The following SLC44A5 variants were observed in gnomAD, a reference collection of about 807,000 sequenced individuals.
SLC44A5 encodes solute carrier family 44 member 5.
SLC44A5 carries 57 observed loss-of-function variants against 101.8 expected under a neutral mutation model. The ratio of observed to expected loss-of-function variants is 0.56; its 90% CI spans 0.45 to 0.70. SLC44A5 has a LOEUF of 0.70. Among genes scored for constraint, SLC44A5 ranks in the 30% least tolerant of loss-of-function variants. The pLI is 0.00. For synonymous variants in SLC44A5, 281 were observed against 290.9 expected, an observed-to-expected ratio of 0.97 and a Z score of 0.35; for missense variants, 737 against 853.1, an observed-to-expected ratio of 0.86 and a Z score of 1.70.
chr1:75,706,347 GTTC>G, the SLC44A5 span, among the ~76,000 whole-genome samples: 2 of 152,100 alleles, frequency 1.3e-5, no homozygotes, highest in East Asian at 1.9e-4. Context: ...ATTTGATGAG[GTTC>G]TTCTTTTGAC....
intron 1 of SLC44A5, among the ~76,000 whole-genome samples, chr1:75,583,933 A>G (rs1673849239): frequency 6.6e-6 from 1 of 152,158 alleles, no homozygotes; most frequent in African/African-American, 2.4e-5. Flanking sequence ...AGTAATTCCT[A>G]TGGGGCTGGG....
intron 4 of SLC44A5, among the ~76,000 whole-genome samples, chr1:75,324,428 G>A (rs1274290455): frequency 6.6e-6 from 1 of 152,132 alleles, no homozygotes; most frequent in Non-Finnish European, 1.5e-5. Flanking sequence ...ATATAAATGA[G>A]CAAAGCATAG....
intron 7 of SLC44A5, among the ~76,000 whole-genome samples, chr1:75,247,707 G>A (rs1649229782): frequency 6.6e-6 from 1 of 152,028 alleles, no homozygotes; most frequent in African/African-American, 2.4e-5. Context: ...TGCCCTGGAA[G>A]CCAGGTGAAA....
chr1:75,282,946 G>A (rs1285958227), intron 5 of SLC44A5, among the ~76,000 whole-genome samples: 11 of 152,132 alleles, frequency 7.2e-5, no homozygotes, highest in South Asian at 2.1e-4. Context: ...TTGCATTTGC[G>A]AATCGGGTGA....
chr1:75,271,312 A>G (rs944169382), intron 6 of SLC44A5, among the ~76,000 whole-genome samples: 2 of 151,980 alleles, frequency 1.3e-5, no homozygotes, highest in African/African-American at 4.8e-5. Flanking sequence ...AAATGTTAAT[A>G]GTTTTTTGGG....
intron 3 of SLC44A5, among the ~76,000 whole-genome samples, chr1:75,342,207 GA>G (rs926556108): frequency 3.9e-5 from 6 of 152,010 alleles, no homozygotes; most frequent in Non-Finnish European, 7.4e-5. Flanking sequence ...ATAATTTCAA[GA>G]AAAAGGAAAG....
chr1:75,621,223 C>A, the SLC44A5 span, among the ~76,000 whole-genome samples: 1 of 152,132 alleles, frequency 6.6e-6, no homozygotes, highest in East Asian at 1.9e-4. Context: ...GGCCTCATCT[C>A]TATTTCCCTT....
At chr1:75,412,757 C>A (rs1353095800) in intron 2 of SLC44A5, among the ~76,000 whole-genome samples, 1 of 152,180 alleles carries the variant, frequency 6.6e-6, no homozygotes, top group East Asian at 1.9e-4. Context: ...AAACCTCACG[C>A]TGCCCTGTTC....
At chr1:75,463,256 C>T (rs1488601972) in intron 2 of SLC44A5, among the ~76,000 whole-genome samples, 1 of 151,938 alleles carries the variant, frequency 6.6e-6, no homozygotes, top group Non-Finnish European at 1.5e-5. Flanking sequence ...CCCGTCTCTA[C>T]TAAAAATACA....
chr1:75,528,834 C>T (rs1387717960), intron 2 of SLC44A5, among the ~76,000 whole-genome samples: 2 of 152,136 alleles, frequency 1.3e-5, no homozygotes, highest in East Asian at 1.9e-4. Flanking sequence ...TTCCTCTGGA[C>T]CTTTGTATAC....
At chr1:75,431,720 T>C (rs967421436) in intron 2 of SLC44A5, among the ~76,000 whole-genome samples, 1 of 152,052 alleles carries the variant, frequency 6.6e-6, no homozygotes, top group African/African-American at 2.4e-5. Context: ...TCATGTCCAA[T>C]GAGAAATATA....
chr1:75,710,325 G>A, the SLC44A5 span: 210 of 152,298 alleles, frequency 1.4e-3, no homozygotes, highest in African/African-American at 4.9e-3. Flanking sequence ...GGAGTCTGAG[G>A]CAGGAAGACT....
intron 4 of SLC44A5, among the ~76,000 whole-genome samples, chr1:75,319,019 A>G (rs1175949686): frequency 6.6e-6 from 1 of 152,076 alleles, no homozygotes; most frequent in Non-Finnish European, 1.5e-5. Context: ...ATCTTCAGAG[A>G]TATGTGCTTA....
At chr1:75,721,909 T>A in the SLC44A5 span, among the ~76,000 whole-genome samples, 2 of 152,216 alleles carry the variant, frequency 1.3e-5, no homozygotes, top group Non-Finnish European at 2.9e-5. Context: ...ACAAAAGGTA[T>A]TCTGGAGACA....
chr1:75,417,193 G>A (rs2101541596), intron 2 of SLC44A5, among the ~76,000 whole-genome samples: 1 of 152,262 alleles, frequency 6.6e-6, no homozygotes, highest in East Asian at 1.9e-4. Flanking sequence ...CATGGGGACA[G>A]GTTTTTCCCC....
intron 1 of SLC44A5, among the ~76,000 whole-genome samples, chr1:75,564,215 C>A (rs1192575147): frequency 1.3e-5 from 2 of 152,150 alleles, no homozygotes; most frequent in Non-Finnish European, 2.9e-5. Context: ...CTGTGCTAAA[C>A]CCAAAGAAGC....
At chr1:75,524,670 G>T (rs930124942) in intron 2 of SLC44A5, among the ~76,000 whole-genome samples, 22 of 152,212 alleles carry the variant, frequency 1.4e-4, no homozygotes, top group Non-Finnish European at 2.9e-5. Flanking sequence ...CGAAAATAAA[G>T]TATGTCACAT....
At chr1:75,524,152 T>C (rs917566710) in intron 2 of SLC44A5, among the ~76,000 whole-genome samples, 23 of 152,168 alleles carry the variant, frequency 1.5e-4, no homozygotes, top group African/African-American at 4.8e-4. Context: ...CTCATGATAG[T>C]GAGTGAGTTC....
intron 1 of SLC44A5, among the ~76,000 whole-genome samples, chr1:75,542,039 T>C (rs1671381315): frequency 6.6e-6 from 1 of 152,140 alleles, no homozygotes; most frequent in Non-Finnish European, 1.5e-5. Context: ...TCTATAAAAA[T>C]TTAAGTTAAA....
Sources: gnomAD v4.1 joint callset for allele counts (sites outside exome capture counted in the v4.1 genomes callset) on GRCh38, gnomAD v4.1.1 for gene constraint, MANE v1.5 for transcripts, NCBI Gene and HGNC (gene_info 2026-07-23, HGNC 2026-07-21) for gene names.